FREM1: variants seen among roughly 807,000 people sequenced by gnomAD.
FREM1 encodes FRAS1 related extracellular matrix 1, also known as FRAS1-related extracellular matrix protein 1.
A neutral mutation model predicts 210.1 loss-of-function variants in FREM1; 220 were observed. That is an observed-to-expected ratio of 1.05 (90% CI 0.94 to 1.17). The LOEUF is 1.17. Ranked by LOEUF, FREM1 falls within the 50% of genes most tolerant of loss-of-function variation. The pLI, the probability that FREM1 is intolerant of heterozygous loss-of-function variation, is 0.00. For missense variants in FREM1, 3,454 were observed against 2,675.5 expected (o/e 1.29, Z -6.42); for synonymous variants, 1,189 against 980.2 (o/e 1.21, Z -3.98).
intron 10 of FREM1, among the ~76,000 whole-genome samples, chr9:14,825,881 C>T (rs1275070031): frequency 6.6e-6 from 1 of 152,020 alleles, no homozygotes; most frequent in Admixed American, 6.6e-5. Flanking sequence ...TAATTTCATC[C>T]TTACATTATT....
intron 1 of FREM1, among the ~76,000 whole-genome samples, chr9:14,879,070 C>T (rs10961765): frequency 0.25 from 37,222 of 150,346 alleles, 6,010 homozygotes; most frequent in East Asian, 0.57. Context: ...GGCAGGAGAA[C>T]GACTTGAACC....
chr9:14,815,453 A>G (rs959766525), intron 15 of FREM1, among the ~76,000 whole-genome samples: 2 of 152,226 alleles, frequency 1.3e-5, no homozygotes, highest in African/African-American at 4.8e-5. Flanking sequence ...AGATCTGAAA[A>G]ATTCCAACAG....
In FREM1 at chr9:14,901,008, T is replaced by G. The variant is rs114877069; in HGVS notation, c.-268+8906A>C. ...TAACATAAAGTTTAGCTACTAAAAT[T>G]TTGTGCTACCACTAATTTCTGTTGC... On this transcript the variant is annotated intron_variant, in intron 1 of 36. Coordinates refer to ENST00000380880, the MANE Select transcript of FREM1 (RefSeq NM_001379081.2). 6.3e-3 allele frequency among the ~76,000 whole-genome samples: 954 copies of G among 152,318 alleles called. 12 individuals carry two copies. The highest frequency in any genetic ancestry group is 0.022 in the African/African-American group (900 of 41,568).
intron 13 of FREM1, among the ~76,000 whole-genome samples, chr9:14,822,177 C>A (rs1012822935): frequency 3.3e-5 from 5 of 152,122 alleles, no homozygotes; most frequent in East Asian, 1.9e-4. Context: ...GCTTCCCTAG[C>A]CACGTGAAAC....
intron 1 of FREM1, among the ~76,000 whole-genome samples, chr9:14,905,167 C>T (rs530029969): frequency 6.6e-6 from 1 of 152,254 alleles, no homozygotes; most frequent in Admixed American, 6.5e-5. Context: ...TCTGTTCACC[C>T]AAGTTCTTTT....
At chr9:14,904,114 C>CAAAAAAA (rs35708320) in intron 1 of FREM1, among the ~76,000 whole-genome samples, 1 of 71,668 alleles carries the variant, frequency 1.4e-5, no homozygotes, top group Admixed American at 1.9e-4. Context: ...GACTCCGTCT[C>CAAAAAAA]AAAAAAAAAA....
chr9:14,793,956 G>C (rs952386390), intron 21 of FREM1, among the ~76,000 whole-genome samples: 4 of 152,202 alleles, frequency 2.6e-5, no homozygotes, highest in African/African-American at 9.7e-5. Context: ...TAAGCAATCA[G>C]TTGGTTGAGG....
At chr9:14,904,554 T>G (rs1817354106) in intron 1 of FREM1, among the ~76,000 whole-genome samples, 1 of 152,184 alleles carries the variant, frequency 6.6e-6, no homozygotes, top group Non-Finnish European at 1.5e-5. Flanking sequence ...TTTAAAATAG[T>G]CTGTCTTCAG....
chr9:14,738,744 T>C (rs568933049), intron 36 of FREM1, among the ~76,000 whole-genome samples: 2 of 152,246 alleles, frequency 1.3e-5, no homozygotes, highest in East Asian at 3.9e-4. Flanking sequence ...GTGCGGTGGC[T>C]CATGCCTGCA....
At chr9:14,899,816 A>G (rs1281466487) in intron 1 of FREM1, among the ~76,000 whole-genome samples, 1 of 152,222 alleles carries the variant, frequency 6.6e-6, no homozygotes, top group Non-Finnish European at 1.5e-5. Flanking sequence ...TGAGCACGGC[A>G]AAAACTCATC....
intron 10 of FREM1, among the ~76,000 whole-genome samples, chr9:14,825,990 C>T (rs72711381): frequency 0.15 from 22,305 of 152,008 alleles, 1,661 homozygotes; most frequent in Non-Finnish European, 0.17. Flanking sequence ...GTTAATTTAC[C>T]CCTTCAAAAA....
chr9:14,791,763 A>C (rs1174327521), intron 22 of FREM1, among the ~76,000 whole-genome samples: 3 of 152,150 alleles, frequency 2.0e-5, no homozygotes, highest in African/African-American at 7.2e-5. Context: ...AAAGAAAGAA[A>C]GATGCTCACT....
chr9:14,853,192 G>T (rs1828085334), intron 5 of FREM1, among the ~76,000 whole-genome samples: 1 of 152,188 alleles, frequency 6.6e-6, no homozygotes, highest in African/African-American at 2.4e-5. Context: ...ATCTGAGGAA[G>T]CTAACTGGCT....
chr9:14,865,698 T>TGTGTGTGTGTGCGC (rs759644257), intron 2 of FREM1, among the ~76,000 whole-genome samples: 2 of 150,524 alleles, frequency 1.3e-5, no homozygotes, highest in African/African-American at 4.9e-5. Context: ...TGTGTGTGTG[T>TGTGTGTGTGTGCGC]GCACATGCAC....
intron 28 of FREM1, among the ~76,000 whole-genome samples, chr9:14,759,557 C>T (rs1323940501): frequency 7.5e-5 from 5 of 66,344 alleles, no homozygotes; most frequent in African/African-American, 1.8e-4. Context: ...GCTTCAGCAA[C>T]ACGTACACTA....
intron 28 of FREM1, among the ~76,000 whole-genome samples, chr9:14,759,224 T>A (rs930735084): frequency 6.6e-6 from 1 of 152,220 alleles, no homozygotes; most frequent in South Asian, 2.1e-4. Flanking sequence ...AAAATTAATA[T>A]CTCAGCCAGG....
At chr9:14,844,925 T>C (rs1261133893) in intron 8 of FREM1, among the ~76,000 whole-genome samples, 1 of 152,212 alleles carries the variant, frequency 6.6e-6, no homozygotes, top group African/African-American at 2.4e-5. Flanking sequence ...TTCTCTTACA[T>C]ACAAGCGAAC....
chr9:14,824,960 GTCA>G lies in FREM1; in HGVS notation c.1911_1913del (p.Asp638del). ...CTCCAGGAGCCTCTTTTGGAAGCTG[GTCA>G]TCCACTGGAGTTATATGGATTGTTG... On this transcript the variant is annotated inframe_deletion, in exon 11 of 37. Coordinates refer to ENST00000380880, the MANE Select transcript of FREM1 (RefSeq NM_001379081.2). The G allele has an allele frequency of 1.2e-5, 19 of 1,603,762 alleles. No individual in the cohort carries two copies. The highest frequency in any genetic ancestry group is 1.6e-5 in the Non-Finnish European group (19 of 1,177,564).
intron 1 of FREM1, among the ~76,000 whole-genome samples, chr9:14,903,899 A>C (rs548849102): frequency 6.6e-6 from 1 of 152,170 alleles, no homozygotes; most frequent in East Asian, 1.9e-4. Flanking sequence ...AGGCGGGCGG[A>C]TCACGAGGTC....
Sources: gnomAD v4.1 joint callset for allele counts (sites outside exome capture counted in the v4.1 genomes callset) on GRCh38, gnomAD v4.1.1 for gene constraint, MANE v1.5 for transcripts, NCBI Gene and HGNC (gene_info 2026-07-23, HGNC 2026-07-21) for gene names.